The following CFAP47 variants were observed in gnomAD, a reference collection of about 807,000 sequenced individuals.
The protein encoded by CFAP47 is cilia- and flagella-associated protein 47.
A neutral mutation model predicts 148.1 loss-of-function variants in CFAP47; 29 were observed. The observed-to-expected ratio is 0.20, with a 90% CI of 0.15 to 0.27. The LOEUF (loss-of-function observed/expected upper bound fraction) is 0.27. CFAP47 is among the 10% of genes least tolerant of loss of function. CFAP47 has a pLI of 1.00. For synonymous variants in CFAP47, 664 were observed against 577.3 expected (o/e 1.15, Z -2.15); for missense variants, 1,872 against 1,697.5 (o/e 1.10, Z -1.81).
chrX:36,201,646 T>A (rs932019659), intron 44 of CFAP47, 146 bp downstream of exon 44: 6 of 274,583 alleles, frequency 2.2e-5, no homozygotes, highest in Admixed American at 1.9e-4. Context: ...GACAGCTCAG[T>A]TGTCATTTTT....
At position 36,303,657 on chromosome X, in the gene CFAP47, G is replaced by A. The variant is rs141401462; in HGVS notation, c.7971-192G>A. Among the ~76,000 whole-genome samples, 870 of 110,815 alleles carry A rather than the reference G, an allele frequency of 7.9e-3. 6 individuals carry two copies. The highest frequency in any genetic ancestry group is 0.022 in the African/African-American group (663 of 30,470). Reference sequence around the variant, plus strand: ...AGGGCCTGTCTTATTCCAGTAAGACGTTATCTTAACTAGTTACATATGCAG... The same window carrying A: ...AGGGCCTGTCTTATTCCAGTAAGACATTATCTTAACTAGTTACATATGCAG... On this transcript the variant is annotated intron_variant, in intron 53 of 63. Coordinates refer to ENST00000378653, the MANE Select transcript of CFAP47 (RefSeq NM_001304548.2).
In CFAP47 at chrX:35,924,024, T is replaced by C. The variant is rs1324727469; in HGVS notation, c.250-1993T>C. On this transcript the variant is annotated intron_variant, in intron 1 of 63. Coordinates refer to ENST00000378653, the MANE Select transcript of CFAP47 (RefSeq NM_001304548.2). ...GTATATGTGTAAATATATATGCACATATATATGCACATATATGTGTATATG... is the reference window on the plus strand; with the variant it reads ...GTATATGTGTAAATATATATGCACACATATATGCACATATATGTGTATATG... Among the ~76,000 whole-genome samples, 8 of 99,780 alleles carry C rather than the reference T, an allele frequency of 8.0e-5. No individual in the cohort carries two copies. The East Asian group carries it at 1.8e-3, about 23-fold the overall frequency. 86.6% of individuals were successfully genotyped at this position (99,780 alleles called of 115,157 possible).
At chrX:36,372,936 A>G (rs1410881349) in intron 62 of CFAP47, among the ~76,000 whole-genome samples, 1 of 111,553 alleles carries the variant, frequency 9.0e-6, no homozygotes, top group Non-Finnish European at 1.9e-5. Flanking sequence ...GTCTGCTTTT[A>G]TGACAGTAAT....
chrX:36,218,348 A>G (rs1389383639), intron 45 of CFAP47, among the ~76,000 whole-genome samples: 2 of 111,868 alleles, frequency 1.8e-5, no homozygotes, highest in Non-Finnish European at 3.8e-5. Flanking sequence ...AATGCTATCA[A>G]GCTAGAACTC....
intron 37 of CFAP47, among the ~76,000 whole-genome samples, chrX:36,156,448 A>G (rs907531213): frequency 3.6e-5 from 4 of 111,237 alleles, no homozygotes; most frequent in Non-Finnish European, 7.6e-5. Context: ...ACATTTAGCT[A>G]TAACCATAGA....
chrX:36,214,666 A>G (rs1555989958), intron 45 of CFAP47, among the ~76,000 whole-genome samples: 2 of 110,710 alleles, frequency 1.8e-5, no homozygotes, highest in African/African-American at 6.6e-5. Context: ...TTTGTTAAAA[A>G]CTAAGACACA....
intron 19 of CFAP47, 75 bp from the exon 20 acceptor site, chrX:36,000,208 A>G (rs1301284976): frequency 7.5e-6 from 2 of 268,085 alleles, no homozygotes; most frequent in Non-Finnish European, 1.3e-5. Context: ...CTTGATAAAT[A>G]TAATATTGCA....
intron 33 of CFAP47, among the ~76,000 whole-genome samples, chrX:36,105,140 G>A (rs1440969526): frequency 8.9e-6 from 1 of 111,902 alleles, no homozygotes; most frequent in African/African-American, 3.2e-5. Flanking sequence ...TCTTTGGAGG[G>A]TAGGTCATAT....
intron 33 of CFAP47, among the ~76,000 whole-genome samples, chrX:36,131,168 A>G (rs1205398435): frequency 1.8e-5 from 2 of 110,928 alleles, no homozygotes; most frequent in African/African-American, 6.5e-5. Flanking sequence ...AAAACATCTC[A>G]TGTACCCCAT....
At chrX:36,113,173 T>C (rs1167511512) in intron 33 of CFAP47, among the ~76,000 whole-genome samples, 1 of 112,159 alleles carries the variant, frequency 8.9e-6, no homozygotes, top group East Asian at 2.8e-4. Flanking sequence ...TTTGTGTGGT[T>C]GCTTTATAGT....
intron 45 of CFAP47, among the ~76,000 whole-genome samples, chrX:36,212,760 A>G (rs1411329496): frequency 9.0e-6 from 1 of 111,542 alleles, no homozygotes; most frequent in Non-Finnish European, 1.9e-5. Context: ...TAAGCAGAGC[A>G]AGATGGCAGA....
intron 54 of CFAP47, among the ~76,000 whole-genome samples, chrX:36,304,612 A>G (rs6653963): frequency 9.1e-6 from 1 of 110,463 alleles, no homozygotes; most frequent in Non-Finnish European, 1.9e-5. Flanking sequence ...CTCTATTGTC[A>G]TTATATGTTG....
At chrX:36,076,637 G>A (rs967597161) in intron 29 of CFAP47, among the ~76,000 whole-genome samples, 1 of 110,986 alleles carries the variant, frequency 9.0e-6, no homozygotes, top group East Asian at 2.9e-4. Context: ...ATGGATATTA[G>A]ACCTTTGTCA....
chrX:35,964,205 T>G (rs1437312111), intron 8 of CFAP47, among the ~76,000 whole-genome samples: 6 of 111,667 alleles, frequency 5.4e-5, no homozygotes, highest in Non-Finnish European at 1.1e-4. Context: ...TAATTTATAC[T>G]TCAGTTTTGA....
chrX:36,310,975 A>T lies in CFAP47; in HGVS notation c.8330A>T (p.Asp2777Val). ...KNPTMEDVLI[D>V]IILTSVEHPR... Reference sequence around the variant, plus strand: ...CCCACAATGGAAGATGTCCTCATTGATATAATACTGACAAGTAAGTTGTTT... The same window carrying T: ...CCCACAATGGAAGATGTCCTCATTGTTATAATACTGACAAGTAAGTTGTTT... Residue 2777 changes from aspartate (D) to valine (V), a missense_variant, in exon 56 of 64, where the codon GAT (aspartate) becomes GTT (valine). Asp to Val is a radical substitution (Grantham distance 152). Coordinates refer to ENST00000378653, the MANE Select transcript of CFAP47 (RefSeq NM_001304548.2). The T allele has an allele frequency of 9.1e-7, 1 of 1,093,490 alleles. No individual in the cohort carries two copies. Among genetic ancestry groups the T allele is most frequent in the Non-Finnish European group, 1.2e-6 (1 of 828,506 alleles). The allele number at this position is 1,093,490 out of a possible 1,213,427, so 90.1% of individuals were successfully genotyped here.
intron 57 of CFAP47, among the ~76,000 whole-genome samples, chrX:36,328,855 T>C (rs1602110658): frequency 9.4e-6 from 1 of 106,323 alleles, no homozygotes; most frequent in Non-Finnish European, 1.9e-5. Flanking sequence ...AATTGGAAGA[T>C]GTACACTAAC....
chrX:36,318,982 C>T (rs1941457886), intron 56 of CFAP47, among the ~76,000 whole-genome samples: 1 of 111,558 alleles, frequency 9.0e-6, no homozygotes, highest in South Asian at 3.7e-4. Flanking sequence ...CTGAAAGTTC[C>T]AAGAATTTAT....
At chrX:35,973,784 C>G (rs1173301328) in intron 13 of CFAP47, among the ~76,000 whole-genome samples, 1 of 111,881 alleles carries the variant, frequency 8.9e-6, no homozygotes, top group Non-Finnish European at 1.9e-5. Context: ...TATTGCCTAC[C>G]CCATAGTATA....
At chrX:36,167,842 T>C (rs1231044652) in intron 39 of CFAP47, among the ~76,000 whole-genome samples, 1 of 112,213 alleles carries the variant, frequency 8.9e-6, no homozygotes, top group Non-Finnish European at 1.9e-5. Flanking sequence ...TAAAGATTTT[T>C]CTTAATTTCC....
Sources: gnomAD v4.1 joint callset for allele counts (sites outside exome capture counted in the v4.1 genomes callset) on GRCh38, gnomAD v4.1.1 for gene constraint, MANE v1.5 for transcripts, NCBI Gene and HGNC (gene_info 2026-07-23, HGNC 2026-07-21) for gene names.